FAT3: variants seen among roughly 807,000 people sequenced by gnomAD.
FAT3 encodes the protein FAT atypical cadherin 3, also known as protocadherin Fat 3.
Under a neutral mutation model 310.2 loss-of-function variants are expected in FAT3, and 95 were observed. That is an observed-to-expected ratio of 0.31 (90% CI 0.26 to 0.36). The LOEUF (loss-of-function observed/expected upper bound fraction) is 0.36, where lower values mean the gene tolerates loss of function less well. Among genes scored for constraint, FAT3 ranks in the 10% least tolerant of loss-of-function variants. FAT3 has a pLI of 1.00. For missense variants in FAT3, 5,408 were observed against 5,715.6 expected, an observed-to-expected ratio of 0.95 and a Z score of 1.74; for synonymous variants, 2,314 against 2,192.9, an observed-to-expected ratio of 1.06 and a Z score of -1.54.
At chr11:92,871,445 T>A (rs1949389137) in intron 22 of FAT3, among the ~76,000 whole-genome samples, 1 of 152,188 alleles carries the variant, frequency 6.6e-6, no homozygotes, top group Admixed American at 6.5e-5. Context: ...ACAAGATCCC[T>A]AGGTGCTATA....
intron 4 of FAT3, chr11:92,749,039 C>T (rs939411909): frequency 1.3e-5 from 2 of 152,132 alleles, no homozygotes; most frequent in Non-Finnish European, 2.9e-5. Context: ...CCTGAGTATT[C>T]TTTGAGAAGG....
chr11:92,380,759 C>A (rs779417005), intron 2 of FAT3, among the ~76,000 whole-genome samples: 2 of 152,136 alleles, frequency 1.3e-5, no homozygotes, highest in Non-Finnish European at 2.9e-5. Flanking sequence ...ATATAGACTC[C>A]CATTTTTCAC....
At chr11:92,613,173 T>C (rs1940647592) in intron 3 of FAT3, among the ~76,000 whole-genome samples, 1 of 152,004 alleles carries the variant, frequency 6.6e-6, no homozygotes, top group Non-Finnish European at 1.5e-5. Context: ...CTGTCCATCC[T>C]AATATTGTTT....
chr11:92,637,130 T>TA (rs1292394212), intron 3 of FAT3, among the ~76,000 whole-genome samples: 1 of 152,010 alleles, frequency 6.6e-6, no homozygotes, highest in East Asian at 1.9e-4. Context: ...ACAAGGGAAA[T>TA]ACAAAGATAC....
rs375107091 is a variant in FAT3, at chr11:92,803,522, TG to T, written c.8896+1615del. 1.6e-3 allele frequency among the ~76,000 whole-genome samples: 242 copies of T among 152,254 alleles called. 3 individuals carry two copies. The highest frequency in any genetic ancestry group is 5.4e-3 in the African/African-American group (225 of 41,570). On this transcript the variant is annotated intron_variant, in intron 10 of 27. Transcript: ENST00000525166. ...TAAAGCATAATTGAATCCTGGCCAG[TG>T]GTGAAGGAAAGTGATATCCCAGGGA...
chr11:92,732,334 C>T (rs970013126), intron 4 of FAT3, among the ~76,000 whole-genome samples: 2 of 152,056 alleles, frequency 1.3e-5, no homozygotes, highest in African/African-American at 4.8e-5. Flanking sequence ...AATCAATGCT[C>T]CTGGAAGTGG....
intron 3 of FAT3, among the ~76,000 whole-genome samples, chr11:92,686,822 C>A (rs75699186): frequency 6.6e-6 from 1 of 152,146 alleles, no homozygotes; most frequent in African/African-American, 2.4e-5. Flanking sequence ...TTTGCACATT[C>A]TCTGAGTAAT....
In FAT3 at chr11:92,800,233, C is replaced by T; in HGVS notation, c.7220C>T (p.Ala2407Val). The T allele has an allele frequency of 1.2e-6, 2 of 1,613,946 alleles. No homozygotes were observed. Among genetic ancestry groups the T allele is most frequent in the African/African-American group, 1.3e-5 (1 of 75,034 alleles). ...TATGAGTCATATGTGAGTGAATTAG[C>T]CCCCCGGGGCCATTTTGTAACCTGT... ...LIYESYVSEL[A>V]PRGHFVTCVQ... Residue 2407 changes from alanine to valine, a missense_variant, in exon 10 of 28, where the codon GCC becomes GTC. This residue lies in a region of FAT3 where 4,588 missense variants were observed against 4,809.8 expected (regional missense o/e 0.95). Coordinates refer to ENST00000525166, the MANE Select transcript of FAT3 (RefSeq NM_001367949.2).
chr11:92,386,871 C>T (rs150819453), intron 2 of FAT3, among the ~76,000 whole-genome samples: 104 of 152,294 alleles, frequency 6.8e-4, no homozygotes, highest in African/African-American at 2.5e-3. Context: ...CTATATCATG[C>T]CTTCATTCAT....
intron 17 of FAT3, among the ~76,000 whole-genome samples, chr11:92,838,594 G>C (rs1041575535): frequency 4.6e-5 from 7 of 152,148 alleles, no homozygotes; most frequent in Admixed American, 3.9e-4. Flanking sequence ...AGAAGACAGA[G>C]TGATATGCAT....
At chr11:92,487,868 C>G (rs530831471) in intron 2 of FAT3, among the ~76,000 whole-genome samples, 1 of 152,298 alleles carries the variant, frequency 6.6e-6, no homozygotes, top group Admixed American at 6.5e-5. Context: ...GGAAGACTTG[C>G]CAAACACAGG....
At chr11:92,876,157 G>A (rs1565670654) in intron 22 of FAT3, among the ~76,000 whole-genome samples, 1 of 152,048 alleles carries the variant, frequency 6.6e-6, no homozygotes, top group Non-Finnish European at 1.5e-5. Context: ...CCTTGCCTTG[G>A]ACTCCCCCCA....
At chr11:92,614,554 G>A (rs1940712379) in intron 3 of FAT3, among the ~76,000 whole-genome samples, 1 of 151,976 alleles carries the variant, frequency 6.6e-6, no homozygotes, top group Non-Finnish European at 1.5e-5. Flanking sequence ...TTTTGATTAG[G>A]TTGTTTGTCA....
chr11:92,770,244 G>A (rs1946425357), intron 6 of FAT3, among the ~76,000 whole-genome samples: 1 of 151,926 alleles, frequency 6.6e-6, no homozygotes, highest in African/African-American at 2.4e-5. Flanking sequence ...GAAACTTCAG[G>A]AAAATAAGAA....
intron 7 of FAT3, among the ~76,000 whole-genome samples, chr11:92,787,684 AATG>A (rs1355425303): frequency 1.3e-5 from 2 of 150,092 alleles, no homozygotes; most frequent in Non-Finnish European, 3.0e-5. Context: ...TTATTATTAT[AATG>A]ATATAAATAC....
intron 4 of FAT3, among the ~76,000 whole-genome samples, chr11:92,715,399 C>G (rs1006697830): frequency 6.6e-6 from 1 of 151,472 alleles, no homozygotes; most frequent in African/African-American, 2.4e-5. Flanking sequence ...CAGTGCAAGA[C>G]TCTGTCTCAA....
intron 1 of FAT3, among the ~76,000 whole-genome samples, chr11:92,276,526 C>G (rs1946276244): frequency 6.6e-6 from 1 of 152,064 alleles, no homozygotes; most frequent in African/African-American, 2.4e-5. Context: ...CTCCCTTTGG[C>G]CAATGGAATG....
chr11:92,290,434 A>C lies in FAT3; in HGVS notation c.-17-61662A>C, dbSNP rs368071744. 2.6e-5 allele frequency among the ~76,000 whole-genome samples: 4 copies of C among 152,220 alleles called. No homozygotes were observed. In the South Asian group the frequency reaches 6.2e-4, roughly 24 times the overall value. The stretch of plus-strand genomic sequence containing the variant: ...CAGCACAATCTGCTTTTTCATGGCC[A>C]AAAGGTTCTGTTTTCTGTGGCATTA... On this transcript the variant is annotated intron_variant, in intron 1 of 27. Coordinates refer to ENST00000525166, the MANE Select transcript of FAT3 (RefSeq NM_001367949.2).
At chr11:92,349,425 C>T (rs957919323) in intron 1 of FAT3, among the ~76,000 whole-genome samples, 1 of 152,216 alleles carries the variant, frequency 6.6e-6, no homozygotes, top group Non-Finnish European at 1.5e-5. Context: ...CTTCTGTGAT[C>T]ACTACAGAGA....
Sources: allele counts gnomAD v4.1 joint callset (sites outside exome capture counted in the v4.1 genomes callset), GRCh38; gene constraint gnomAD v4.1.1; regional missense constraint gnomAD v4.1.1; transcripts MANE v1.5; gene names NCBI Gene and HGNC (gene_info 2026-07-23, HGNC 2026-07-21).